The following FAM184B variants were observed in gnomAD, a reference collection of about 807,000 sequenced individuals.
FAM184B encodes protein FAM184B.
In FAM184B, 111 loss-of-function variants were observed where a neutral mutation model predicts 135.9. The ratio of observed to expected loss-of-function variants is 0.82; its 90% confidence interval spans 0.70 to 0.96. The LOEUF (loss-of-function observed/expected upper bound fraction) is 0.96. FAM184B is among the 40% of genes least tolerant of loss of function. FAM184B has a pLI of 0.00. For missense variants in FAM184B, 1,375 were observed against 1,323.9 expected, an observed-to-expected ratio of 1.04 and a Z score of -0.60; for synonymous variants, 552 against 524.8, an observed-to-expected ratio of 1.05 and a Z score of -0.71.
chr4:17,642,182 C>T lies in FAM184B; in HGVS notation c.2393G>A (p.Gly798Glu), dbSNP rs1231862349. 2 of 1,529,926 alleles carry T rather than the reference C, an allele frequency of 1.3e-6. No homozygotes were observed. Among genetic ancestry groups the T allele is most frequent in the East Asian group, 2.5e-5 (1 of 40,482 alleles). The allele number at this position is 1,529,926 out of a possible 1,614,324, so 94.8% of individuals were successfully genotyped here. ...CCCGCATCCCTCGCCGGAACCCTGC[C>T]CAGCAGCGCCCGGTGGGGAGCCGGC... is the stretch of plus-strand genomic sequence containing the variant. ...GQAGSPPGAA[G>E]QGSGEGCGLW... Residue 798 changes from glycine to glutamate, a missense_variant, in exon 13 of 18, where the codon GGG becomes GAG. Physicochemically the swap from Gly to Glu is moderately conservative, Grantham distance 98. Coordinates refer to ENST00000265018, the MANE Select transcript of FAM184B (RefSeq NM_015688.2).
chr4:17,695,937 G>T (rs185782446), intron 5 of FAM184B, among the ~76,000 whole-genome samples: 328 of 152,214 alleles, frequency 2.2e-3, no homozygotes, highest in African/African-American at 7.4e-3. Flanking sequence ...GAAAATATAA[G>T]ACATTAAAGA....
intron 1 of FAM184B, among the ~76,000 whole-genome samples, chr4:17,716,623 G>C (rs1717405551): frequency 6.6e-6 from 1 of 151,990 alleles, no homozygotes; most frequent in Admixed American, 6.6e-5. Flanking sequence ...TGGGATTATA[G>C]GTGTGTGTCA....
rs1448409766 is a variant in FAM184B at position 17,633,812 on chromosome 4, C to A, written c.2966G>T (p.Ser989Ile). 3 of 1,551,478 alleles carry A rather than the reference C, an allele frequency of 1.9e-6. No homozygotes were observed. Among genetic ancestry groups the A allele is most frequent in the Non-Finnish European group, 2.6e-6 (3 of 1,146,982 alleles). The change falls in exon 17 of 18, where the codon AGT becomes ATT. Residue 989 changes from serine (S) to isoleucine (I), a missense_variant. By Grantham distance (142) the Ser-to-Ile change is moderately radical (BLOSUM62 -2). Transcript: ENST00000265018. ...NLASYAKNFL[S>I]GDLSSRINAP... ...ATTAATCCTGGAACTCAGATCGCCA[C>A]TCAGAAAGTTCTTTGCATAGGAGGC...
At chr4:17,649,451 G>A in intron 11 of FAM184B, among the ~76,000 whole-genome samples, 1 of 152,010 alleles carries the variant, frequency 6.6e-6, no homozygotes, top group Non-Finnish European at 1.5e-5. Context: ...AGGCGTGGTG[G>A]CAGGTGCCTG....
At chr4:17,680,360 T>A (rs1303531651) in intron 7 of FAM184B, among the ~76,000 whole-genome samples, 1 of 152,158 alleles carries the variant, frequency 6.6e-6, no homozygotes, top group African/African-American at 2.4e-5. Context: ...AGTTCTCTCT[T>A]GTGAAAACCT....
chr4:17,773,632 C>A (rs1718866310), intron 1 of FAM184B, among the ~76,000 whole-genome samples: 1 of 152,140 alleles, frequency 6.6e-6, no homozygotes, highest in South Asian at 2.1e-4. Flanking sequence ...GGCTGGAGTG[C>A]AGCGGCACAA....
At chr4:17,779,152 A>C (rs76039549) in intron 1 of FAM184B, among the ~76,000 whole-genome samples, 1 of 152,228 alleles carries the variant, frequency 6.6e-6, no homozygotes, top group Non-Finnish European at 1.5e-5. Context: ...AGGAGAAAGA[A>C]TGGTAAATGA....
chr4:17,680,555 T>C (rs578015092), intron 7 of FAM184B, among the ~76,000 whole-genome samples: 5 of 152,356 alleles, frequency 3.3e-5, no homozygotes, highest in Admixed American at 2.6e-4. Flanking sequence ...CTTCTGAGAA[T>C]ATCCCTGAGC....
intron 10 of FAM184B, among the ~76,000 whole-genome samples, chr4:17,657,322 T>C (rs1304952497): frequency 6.6e-6 from 1 of 152,208 alleles, no homozygotes; most frequent in East Asian, 1.9e-4. Flanking sequence ...GAGCCCTCAG[T>C]TCCTTGCTGC....
intron 1 of FAM184B, among the ~76,000 whole-genome samples, chr4:17,773,322 A>G (rs896574422): frequency 1.2e-4 from 19 of 152,242 alleles, no homozygotes; most frequent in African/African-American, 4.1e-4. Flanking sequence ...AACTGCAACC[A>G]CTTGACTCAG....
chr4:17,721,430 C>G, intron 1 of FAM184B, among the ~76,000 whole-genome samples: 1 of 145,236 alleles, frequency 6.9e-6, no homozygotes, highest in East Asian at 2.0e-4. Flanking sequence ...GCAGAAAGGG[C>G]ATCCGAGTGC....
At chr4:17,747,455 G>A (rs1718191903) in intron 1 of FAM184B, among the ~76,000 whole-genome samples, 1 of 152,122 alleles carries the variant, frequency 6.6e-6, no homozygotes, top group Admixed American at 6.6e-5. Flanking sequence ...TCCGAAGTCT[G>A]GAGAAGAGCT....
intron 3 of FAM184B, 110 bp downstream of exon 3, chr4:17,707,539 G>T: frequency 7.0e-7 from 1 of 1,419,126 alleles, no homozygotes; most frequent in Non-Finnish European, 9.5e-7. Context: ...AGATCAAGCA[G>T]CCCTGCCCCT....
At chr4:17,722,522 A>G (rs1188497331) in intron 1 of FAM184B, among the ~76,000 whole-genome samples, 1 of 152,268 alleles carries the variant, frequency 6.6e-6, no homozygotes, top group African/African-American at 2.4e-5. Context: ...ACCTAGCTGC[A>G]CATGGCATTG....
intron 14 of FAM184B, among the ~76,000 whole-genome samples, chr4:17,638,022 C>A (rs1715196852): frequency 6.6e-6 from 1 of 152,018 alleles, no homozygotes; most frequent in Admixed American, 6.6e-5. Context: ...AGTGCCCTCA[C>A]CTCCTTGTAC....
intron 1 of FAM184B, among the ~76,000 whole-genome samples, chr4:17,773,749 G>C (rs921630731): frequency 6.6e-6 from 1 of 151,944 alleles, no homozygotes; most frequent in Non-Finnish European, 1.5e-5. Context: ...GGCTAATTTT[G>C]TATTTTTAGT....
intron 1 of FAM184B, among the ~76,000 whole-genome samples, chr4:17,774,707 G>C (rs1718887645): frequency 6.6e-6 from 1 of 152,092 alleles, no homozygotes; most frequent in Admixed American, 6.5e-5. Context: ...TTATAAGATG[G>C]GCCTGGGCCC....
chr4:17,636,838 C>G (rs1304876714), intron 14 of FAM184B, among the ~76,000 whole-genome samples, 193 bp from the exon 15 acceptor site: 1 of 152,120 alleles, frequency 6.6e-6, no homozygotes, highest in Non-Finnish European at 1.5e-5. Context: ...TGTCAGGTCC[C>G]CTGAGGCTGC....
chr4:17,755,382 T>C (rs1280177895), intron 1 of FAM184B, among the ~76,000 whole-genome samples: 1 of 152,092 alleles, frequency 6.6e-6, no homozygotes, highest in Non-Finnish European at 1.5e-5. Flanking sequence ...CCAGTCAGAA[T>C]GGTGATTATT....
Sources: allele counts gnomAD v4.1 joint callset (sites outside exome capture counted in the v4.1 genomes callset), GRCh38; gene constraint gnomAD v4.1.1; transcripts MANE v1.5; gene names NCBI Gene and HGNC (gene_info 2026-07-23, HGNC 2026-07-21).